The following CNTN4 variants were observed in gnomAD, a reference collection of about 807,000 sequenced individuals.
The protein encoded by CNTN4 is contactin-4.
CNTN4 carries 77 observed loss-of-function variants against 122.5 expected under a neutral mutation model. The ratio of observed to expected loss-of-function variants is 0.63; its 90% CI spans 0.52 to 0.76. The LOEUF (loss-of-function observed/expected upper bound fraction) is 0.76. Among genes scored for constraint, CNTN4 ranks in the 30% least tolerant of loss-of-function variants. The pLI is 0.00. For synonymous variants in CNTN4, 512 were observed against 447.0 expected (o/e 1.15, Z -1.83); for missense variants, 1,256 against 1,259.1 (o/e 1.00, Z 0.04).
At chr3:2,624,554 C>G (rs1392752659) in intron 4 of CNTN4, among the ~76,000 whole-genome samples, 2 of 151,390 alleles carry the variant, frequency 1.3e-5, no homozygotes. Flanking sequence ...GCTCCCATTT[C>G]CTTTACTTGT....
At chr3:2,749,715 T>G (rs1430463447) in intron 6 of CNTN4, among the ~76,000 whole-genome samples, 1 of 152,178 alleles carries the variant, frequency 6.6e-6, no homozygotes, top group African/African-American at 2.4e-5. Context: ...AACCCACCCT[T>G]TCTATTCTTG....
At chr3:2,950,644 G>A (rs74928088) in intron 13 of CNTN4, among the ~76,000 whole-genome samples, 11,569 of 152,238 alleles carry the variant, frequency 0.076, 702 homozygotes, top group African/African-American at 0.17. Context: ...AGAAGGCAAC[G>A]TGTGGCCACT....
At chr3:2,838,526 T>A (rs7642309) in intron 7 of CNTN4, among the ~76,000 whole-genome samples, 10 of 147,544 alleles carry the variant, frequency 6.8e-5, no homozygotes, top group East Asian at 2.0e-4. Context: ...GCCAGACTTA[T>A]AGAATATATT....
rs928072561 is a variant in CNTN4 at position 2,670,530 on chromosome 3, A to G, written c.56-65685A>G. Among the ~76,000 whole-genome samples, 137 of 150,800 alleles carry G rather than the reference A, an allele frequency of 9.1e-4. 1 individual carries two copies. Among genetic ancestry groups the G allele is most frequent in the East Asian group, 1.8e-3 (9 of 5,056 alleles). On this transcript the variant is annotated intron_variant, in intron 4 of 24. Coordinates refer to ENST00000418658, the MANE Select transcript of CNTN4 (RefSeq NM_175607.3). Reference sequence around the variant, plus strand: ...TTTCCTAAATATAGCACACTGATGGATCTTGACTCTTTATCCAATTTGCCA... The same window carrying G: ...TTTCCTAAATATAGCACACTGATGGGTCTTGACTCTTTATCCAATTTGCCA...
intron 2 of CNTN4, among the ~76,000 whole-genome samples, chr3:2,299,915 A>G (rs1011433385): frequency 6.6e-6 from 1 of 152,194 alleles, no homozygotes; most frequent in Non-Finnish European, 1.5e-5. Flanking sequence ...CCGCATTAAA[A>G]TATGAATTTA....
intron 2 of CNTN4, among the ~76,000 whole-genome samples, chr3:2,226,312 A>G (rs972077826): frequency 1.3e-5 from 2 of 152,130 alleles, no homozygotes; most frequent in East Asian, 1.9e-4. Context: ...GTATGCTGCT[A>G]TTTGGGCTCC....
At chr3:2,847,709 TGCTCAGA>T (rs2150594850) in intron 7 of CNTN4, among the ~76,000 whole-genome samples, 1 of 152,326 alleles carries the variant, frequency 6.6e-6, no homozygotes, top group East Asian at 1.9e-4. Flanking sequence ...TGAATGCTCG[TGCTCAGA>T]GCTTTTATTG....
chr3:2,367,591 C>T (rs1207570628), intron 3 of CNTN4, among the ~76,000 whole-genome samples: 1 of 152,132 alleles, frequency 6.6e-6, no homozygotes, highest in East Asian at 1.9e-4. Flanking sequence ...ATGGCACAAT[C>T]TCAGCTCACT....
intron 3 of CNTN4, among the ~76,000 whole-genome samples, chr3:2,530,470 A>G (rs1178260193): frequency 2.0e-5 from 3 of 151,766 alleles, no homozygotes; most frequent in Non-Finnish European, 4.4e-5. Flanking sequence ...CACCATGCCC[A>G]GCTAATTTTT....
rs1201910259 is a variant in CNTN4 at position 3,057,899 on chromosome 3, T to A, written c.*1679T>A. 1 of 152,600 alleles carries A rather than the reference T, an allele frequency of 6.6e-6. No homozygotes were observed. The highest frequency in any genetic ancestry group is 2.4e-5 in the African/African-American group (1 of 41,456). 9.5% of individuals were successfully genotyped at this position (152,600 alleles called of 1,614,324 possible). On this transcript the variant is annotated 3_prime_UTR_variant, in exon 25 of 25. Transcript: ENST00000418658. ...CCCCAGTGTAAATGATATTTACCAG[T>A]GATCTAGCATATGTAATCTTTTTTA...
chr3:2,171,103 A>G (rs1292928036), intron 2 of CNTN4, among the ~76,000 whole-genome samples: 1 of 152,210 alleles, frequency 6.6e-6, no homozygotes, highest in Non-Finnish European at 1.5e-5. Flanking sequence ...AAATTCTGTA[A>G]AACACGAATT....
Position 2,275,557 on chromosome 3 carries a change from A to G in CNTN4, c.-144-63621A>G, listed in dbSNP as rs553542720. On this transcript the variant is annotated intron_variant, in intron 2 of 24. Transcript: ENST00000418658. ...AATGTGAAATTCACAATTATATATT[A>G]TATACATTTAAGTATATGCAGTGAG... Among the ~76,000 whole-genome samples the G allele has an allele frequency of 1.2e-3, 187 of 152,228 alleles. 1 individual carries two copies. Among genetic ancestry groups the G allele is most frequent in the Admixed American group, 2.4e-3 (36 of 15,292 alleles).
intron 3 of CNTN4, among the ~76,000 whole-genome samples, chr3:2,533,524 C>G (rs952774254): frequency 6.6e-6 from 1 of 152,084 alleles, no homozygotes; most frequent in Admixed American, 6.6e-5. Flanking sequence ...TTTTCTTAAT[C>G]CAGTCTATCA....
At chr3:2,862,251 G>C (rs1205859583) in intron 7 of CNTN4, among the ~76,000 whole-genome samples, 1 of 152,210 alleles carries the variant, frequency 6.6e-6, no homozygotes, top group Non-Finnish European at 1.5e-5. Flanking sequence ...AACAATTAAA[G>C]AGCAACCATC....
At chr3:2,144,256 T>C (rs1186714125) in intron 2 of CNTN4, 1 of 152,154 alleles carries the variant, frequency 6.6e-6, no homozygotes, top group Non-Finnish European at 1.5e-5. Context: ...GGCCTGGGGA[T>C]TTTTCTGGAT....
At chr3:2,787,752 TACTTATC>T (rs1161921402) in intron 6 of CNTN4, among the ~76,000 whole-genome samples, 2 of 152,004 alleles carry the variant, frequency 1.3e-5, no homozygotes, top group Admixed American at 6.6e-5. Context: ...GCACAAAGTG[TACTTATC>T]ACACAGTCCT....
intron 2 of CNTN4, among the ~76,000 whole-genome samples, chr3:2,251,439 G>T (rs966830312): frequency 6.6e-6 from 1 of 151,896 alleles, no homozygotes; most frequent in Non-Finnish European, 1.5e-5. Flanking sequence ...TGAGGTCAGA[G>T]TCTGGAAACA....
intron 4 of CNTN4, among the ~76,000 whole-genome samples, chr3:2,623,857 AC>A (rs1321828843): frequency 6.6e-6 from 1 of 152,220 alleles, no homozygotes; most frequent in Non-Finnish European, 1.5e-5. Context: ...AAGATACAGT[AC>A]GTCAGGGTTT....
chr3:2,872,909 A>C (rs1172758835), intron 8 of CNTN4, among the ~76,000 whole-genome samples: 1 of 152,150 alleles, frequency 6.6e-6, no homozygotes, highest in African/African-American at 2.4e-5. Flanking sequence ...ATACCTGACC[A>C]TGTTTTCCCA....
Sources: allele counts gnomAD v4.1 joint callset (sites outside exome capture counted in the v4.1 genomes callset), GRCh38; gene constraint gnomAD v4.1.1; transcripts MANE v1.5; gene names NCBI Gene and HGNC (gene_info 2026-07-23, HGNC 2026-07-21).